The following CENPE variants were observed in gnomAD, a reference collection of about 807,000 sequenced individuals.
CENPE encodes the protein centromere protein E.
In CENPE, 145 loss-of-function variants were observed where a neutral mutation model predicts 336.1. The ratio of observed to expected loss-of-function variants is 0.43; its 90% CI spans 0.38 to 0.50. The LOEUF is 0.50. Among genes scored for constraint, CENPE ranks in the 20% least tolerant of loss-of-function variants. The probability of loss-of-function intolerance (pLI) is 0.00; values close to 1 mark genes in which losing one functional copy is unlikely to be tolerated. For missense variants in CENPE, 2,719 were observed against 3,023.3 expected, an observed-to-expected ratio of 0.90 and a Z score of 2.36; for synonymous variants, 1,013 against 984.8, an observed-to-expected ratio of 1.03 and a Z score of -0.54.
At chr4:103,192,450 A>G (rs1191870154) in intron 8 of CENPE, among the ~76,000 whole-genome samples, 1 of 152,222 alleles carries the variant, frequency 6.6e-6, no homozygotes, top group Non-Finnish European at 1.5e-5. Context: ...AATGGTTAGT[A>G]TATTCGAAAT....
At position 103,137,509 on chromosome 4, in the gene CENPE, T is replaced by C. The variant is rs1752168264; in HGVS notation, c.6303+842A>G. ...CTAGATGTTAATCAATCTGGAATGT[T>C]GGAGAGGGGATTCCTGTTTTTGGTT... On this transcript the variant is annotated intron_variant, in intron 39 of 48. Coordinates refer to ENST00000265148, the MANE Select transcript of CENPE (RefSeq NM_001813.3). Among the ~76,000 whole-genome samples the C allele has an allele frequency of 2.0e-5, 3 of 152,198 alleles. No individual in the cohort carries two copies. The South Asian group carries it at 6.2e-4, about 32-fold the overall frequency.
chr4:103,155,582 G>C (rs544805687), intron 24 of CENPE, among the ~76,000 whole-genome samples: 2 of 152,228 alleles, frequency 1.3e-5, no homozygotes, highest in South Asian at 4.1e-4. Context: ...GAAAGTACTA[G>C]GATTACAGGC....
intron 25 of CENPE, 74 bp from the exon 26 acceptor site, chr4:103,151,451 T>C (rs1753563758): frequency 1.8e-6 from 2 of 1,110,022 alleles, no homozygotes; most frequent in Non-Finnish European, 2.5e-6. Flanking sequence ...AACATCAGCA[T>C]TTCTCTCAGT....
intron 8 of CENPE, among the ~76,000 whole-genome samples, chr4:103,187,221 T>C (rs1002066126): frequency 1.1e-4 from 16 of 152,352 alleles, no homozygotes; most frequent in African/African-American, 3.8e-4. Context: ...CAGACGTAGA[T>C]TTGGTCTTTT....
At chr4:103,142,505 T>G (rs1321836727) in intron 34 of CENPE, among the ~76,000 whole-genome samples, 1 of 152,188 alleles carries the variant, frequency 6.6e-6, no homozygotes, top group Non-Finnish European at 1.5e-5. Context: ...CTTCCCTAAG[T>G]TGGTCTTGCT....
Position 103,114,366 on chromosome 4 carries a change from T to C in CENPE, c.7540+89A>G, listed in dbSNP as rs892821174. ...TGGCCAACTTCTGTTTACTCTCGAC[T>C]GTCACATACTACATAATATTAGTCT... is the stretch of plus-strand genomic sequence containing the variant. On this transcript the variant is annotated intron_variant, in intron 46 of 48. Coordinates refer to ENST00000265148, the MANE Select transcript of CENPE (RefSeq NM_001813.3). The C allele has an allele frequency of 8.2e-6, 6 of 734,524 alleles. 1 individual carries two copies. In the South Asian group the frequency reaches 8.5e-5, roughly 10 times the overall value. 45.5% of individuals were successfully genotyped at this position (734,524 alleles called of 1,614,324 possible).
rs1755821172 is a variant in CENPE, at chr4:103,175,994, A to G, written c.1445T>C (p.Ile482Thr). 2 of 1,606,714 alleles carry G rather than the reference A, an allele frequency of 1.2e-6. No individual in the cohort carries two copies. The highest frequency in any genetic ancestry group is 1.3e-5 in the African/African-American group (1 of 74,740). The change falls in exon 15 of 49, where the codon ATA (isoleucine) becomes ACA (threonine). Residue 482 changes from isoleucine to threonine, a missense_variant. Around this residue, in one of 5 missense-constraint regions of CENPE, gnomAD observed 2,437 missense variants for 2,513.3 expected, o/e 0.97. Transcript: ENST00000265148. The stretch of plus-strand genomic sequence containing the variant: ...TAGCTTTGTTGCTGGATTCCATTCT[A>G]TCTCACTTAATGTATCAAGAGTGTT... ...FSNTLDTLSE[I>T]EWNPATKLLN...
rs558742455 is a variant in CENPE, at chr4:103,144,258, C to G, written c.5145+73G>C. On this transcript the variant is annotated intron_variant, in intron 33 of 48. Transcript: ENST00000265148. ...GCCTGGACCAATTTTATACTCCCAC[C>G]AACCCTATGGCAGATTTTTCTCTTA... 1.0e-4 allele frequency: 143 copies of G among 1,370,608 alleles called. 1 individual carries two copies. In the East Asian group the frequency reaches 3.2e-3, roughly 30 times the overall value. 84.9% of individuals were successfully genotyped at this position (1,370,608 alleles called of 1,614,324 possible).
At chr4:103,110,752 T>TA in intron 47 of CENPE, 76 bp downstream of exon 47, 1 of 1,101,864 alleles carries the variant, frequency 9.1e-7, no homozygotes, top group Non-Finnish European at 1.2e-6. Context: ...CTGCAAAAAA[T>TA]ACGTGCATAT....
In CENPE at chr4:103,140,961, C is replaced by T. The variant is rs770746983; in HGVS notation, c.5607G>A (p.Glu1869=). The T allele has an allele frequency of 3.1e-6, 5 of 1,612,050 alleles. No homozygotes were observed. In the African/African-American group the frequency reaches 5.3e-5, roughly 17 times the overall value. Reference sequence around the variant, plus strand: ...GAAGTTTCTGAGCCAAATTTAAATTCTCTATTTCTAATTTACTCAGAGTTA... The same window carrying T: ...GAAGTTTCTGAGCCAAATTTAAATTTTCTATTTCTAATTTACTCAGAGTTA... ...QSLTLSKLEI[E]NLNLAQKLHE... The change falls in exon 36 of 49, where the codon GAG becomes GAA. Residue 1869 remains glutamate (E), a synonymous_variant. Coordinates refer to ENST00000265148, the MANE Select transcript of CENPE (RefSeq NM_001813.3).
chr4:103,150,931 G>A (rs144843159), intron 26 of CENPE, among the ~76,000 whole-genome samples: 23 of 152,270 alleles, frequency 1.5e-4, no homozygotes, highest in Middle Eastern at 3.4e-3. Flanking sequence ...AAAACAGTGC[G>A]TGGCCCATGA....
chr4:103,133,130 A>T (rs1004909255), intron 41 of CENPE, among the ~76,000 whole-genome samples: 9 of 151,980 alleles, frequency 5.9e-5, no homozygotes, highest in Non-Finnish European at 8.8e-5. Context: ...GGCAGTATAC[A>T]TGATGTAACA....
intron 8 of CENPE, among the ~76,000 whole-genome samples, chr4:103,187,411 A>G (rs945071839): frequency 2.6e-5 from 4 of 152,218 alleles, no homozygotes; most frequent in African/African-American, 9.6e-5. Flanking sequence ...AGGTCAGGCT[A>G]CCCACAAAGG....
At chr4:103,146,714 C>T (rs993181170) in intron 29 of CENPE, among the ~76,000 whole-genome samples, 1 of 152,108 alleles carries the variant, frequency 6.6e-6, no homozygotes. Flanking sequence ...TAAAAAGTAG[C>T]AATAAGATAT....
chr4:103,146,599 G>T (rs770290948), intron 29 of CENPE, among the ~76,000 whole-genome samples: 3 of 152,218 alleles, frequency 2.0e-5, no homozygotes, highest in Non-Finnish European at 2.9e-5. Context: ...CTGCGGAAGA[G>T]AGTTGCTGGA....
chr4:103,151,844 C>T (rs532590256), intron 25 of CENPE, among the ~76,000 whole-genome samples: 2 of 152,140 alleles, frequency 1.3e-5, no homozygotes, highest in Admixed American at 6.5e-5. Flanking sequence ...GACATTCTCA[C>T]GTATCAAGAC....
chr4:103,115,816 C>T (rs973347199), intron 45 of CENPE, among the ~76,000 whole-genome samples: 1 of 150,422 alleles, frequency 6.6e-6, no homozygotes, highest in Non-Finnish European at 1.5e-5. Flanking sequence ...CTGCAAGCTC[C>T]GCCTCCCGGG....
rs774993540 is a variant in CENPE at position 103,158,993 on chromosome 4, T to C, written c.2601+17A>G. 1.0e-5 allele frequency: 16 copies of C among 1,531,350 alleles called. 1 individual carries two copies. In the Middle Eastern group the frequency reaches 1.2e-3, roughly 118 times the overall value. The allele number at this position is 1,531,350 out of a possible 1,614,324, so 94.9% of individuals were successfully genotyped here. A position where few individuals can be genotyped will look rare whatever the true frequency, so the allele number is the denominator to read the frequency against. ...GAAGACTAAGGAGCATTTCTCAAAATAGCATCTTGTACCAACCTCGGTCTT... is the reference window on the plus strand; with the variant it reads ...GAAGACTAAGGAGCATTTCTCAAAACAGCATCTTGTACCAACCTCGGTCTT... On this transcript the variant is annotated intron_variant, in intron 22 of 48. Transcript: ENST00000265148.
At position 103,155,030 on chromosome 4, in the gene CENPE, G is replaced by A. The variant is rs564635786; in HGVS notation, c.3034-1780C>T. On this transcript the variant is annotated intron_variant, in intron 24 of 48. Coordinates refer to ENST00000265148, the MANE Select transcript of CENPE (RefSeq NM_001813.3). ...CATGAGCATGATACAAGACCAAATT[G>A]ATCTCAGCCTTCCATCCCAGACTTT... 8.0e-4 allele frequency among the ~76,000 whole-genome samples: 121 copies of A among 152,176 alleles called. 1 individual carries two copies. The highest frequency in any genetic ancestry group is 2.7e-3 in the African/African-American group (113 of 41,540).
Sources: gnomAD v4.1 joint callset for allele counts (sites outside exome capture counted in the v4.1 genomes callset) on GRCh38, gnomAD v4.1.1 for gene constraint, gnomAD v4.1.1 regional missense constraint, MANE v1.5 for transcripts, NCBI Gene and HGNC (gene_info 2026-07-23, HGNC 2026-07-21) for gene names.